Variants in SMAD2 observed in about 807,000 individuals in gnomAD.
SMAD2 encodes the protein MAD homolog 2.
Under a neutral mutation model 64.4 loss-of-function variants are expected in SMAD2, and 8 were observed. That is an observed-to-expected ratio of 0.12 (90% CI 0.07 to 0.22). The LOEUF (loss-of-function observed/expected upper bound fraction) is 0.22. Ranked by LOEUF, SMAD2 falls within the 10% of genes least tolerant of loss-of-function variation. The probability of loss-of-function intolerance (pLI) is 1.00; values close to 1 mark genes in which losing one functional copy is unlikely to be tolerated. For missense variants in SMAD2, 289 were observed against 561.2 expected, an observed-to-expected ratio of 0.51 and a Z score of 4.90; for synonymous variants, 203 against 195.8, an observed-to-expected ratio of 1.04 and a Z score of -0.31.
At chr18:47,874,153 T>A (rs1235545496) in intron 2 of SMAD2, among the ~76,000 whole-genome samples, 1 of 152,194 alleles carries the variant, frequency 6.6e-6, no homozygotes, top group Non-Finnish European at 1.5e-5. Flanking sequence ...TCTATTACAG[T>A]GACCATTTCA....
At chr18:47,854,463 C>A (rs1357278864) in intron 6 of SMAD2, among the ~76,000 whole-genome samples, 4 of 152,324 alleles carry the variant, frequency 2.6e-5, no homozygotes, top group Admixed American at 6.5e-5. Context: ...ATGTTGACAT[C>A]TGCCAATATG....
chr18:47,872,791 G>A (rs747501362), intron 2 of SMAD2, among the ~76,000 whole-genome samples: 7 of 152,114 alleles, frequency 4.6e-5, no homozygotes, highest in Non-Finnish European at 8.8e-5. Flanking sequence ...AACCATTGCC[G>A]CACCACCACG....
rs1253297651 is a variant in SMAD2 at position 47,820,652 on chromosome 18, T to C, written c.*21175A>G. The stretch of plus-strand genomic sequence containing the variant: ...ATGACCAGTTGTTTAAGGGGAAGTA[T>C]AAAACAAAGCAGAAAGTTTAAGCAT... On this transcript the variant is annotated 3_prime_UTR_variant, in exon 11 of 11. Coordinates refer to ENST00000262160, the MANE Select transcript of SMAD2 (RefSeq NM_005901.6). 1.3e-5 allele frequency: 2 copies of C among 152,102 alleles called. No homozygotes were observed. Among genetic ancestry groups the C allele is most frequent in the African/African-American group, 4.8e-5 (2 of 41,418 alleles). 9.4% of individuals were successfully genotyped at this position (152,102 alleles called of 1,614,324 possible).
intron 9 of SMAD2, 22 bp downstream of exon 9, chr18:47,845,641 A>G: frequency 1.2e-6 from 2 of 1,613,170 alleles, no homozygotes; most frequent in Non-Finnish European, 1.7e-6. Context: ...TGATAGGTTT[A>G]TGTACATTAT....
intron 10 of SMAD2, 120 bp from the exon 11 acceptor site, chr18:47,842,070 T>C (rs1914004102): frequency 1.8e-6 from 2 of 1,103,882 alleles, no homozygotes; most frequent in South Asian, 1.3e-5. Flanking sequence ...GTATATAATT[T>C]TGGACACGAT....
chr18:47,907,665 G>A (rs7233129), intron 1 of SMAD2, among the ~76,000 whole-genome samples: 83,975 of 152,052 alleles, frequency 0.55, 23,589 homozygotes, highest in East Asian at 0.8. Flanking sequence ...AAAACTCACA[G>A]AACTGGCCGA....
chr18:47,838,544 T>C lies in SMAD2; in HGVS notation c.*3283A>G, dbSNP rs916324869. On this transcript the variant is annotated 3_prime_UTR_variant, in exon 11 of 11. Coordinates refer to ENST00000262160, the MANE Select transcript of SMAD2 (RefSeq NM_005901.6). ...TAAGGTATAATCGGTATAACTGATA[T>C]AGCTCAAATCTAATCATGAAAGCTT... 2 of 233,000 alleles carry C rather than the reference T, an allele frequency of 8.6e-6. No individual in the cohort carries two copies. The highest frequency in any genetic ancestry group is 1.8e-4 in the South Asian group (1 of 5,538). The allele number at this position is 233,000 out of a possible 1,614,324, so 14.4% of individuals were successfully genotyped here.
chr18:47,863,097 G>T (rs1029094914), intron 6 of SMAD2, among the ~76,000 whole-genome samples: 1 of 152,078 alleles, frequency 6.6e-6, no homozygotes, highest in African/African-American at 2.4e-5. Context: ...ATTTTTAACA[G>T]CAGGTTATGA....
In SMAD2 at chr18:47,896,577, C is replaced by G; in HGVS notation, c.180G>C (p.Glu60Asp). The G allele has an allele frequency of 6.2e-7, 1 of 1,614,126 alleles. No homozygotes were observed. Among genetic ancestry groups the G allele is most frequent in the Non-Finnish European group, 8.5e-7 (1 of 1,180,018 alleles). The change falls in exon 2 of 11, where the codon GAG becomes GAC. Residue 60 changes from glutamate (E) to aspartate (D), a missense_variant. By Grantham distance (45) the Glu-to-Asp change is conservative (BLOSUM62 2). Around this residue, in one of 6 missense-constraint regions of SMAD2, gnomAD observed 89 missense variants for 137.1 expected, o/e 0.65. Transcript: ENST00000262160. ...TTTGAGTGGTGATGGCTTTCTCAAG[C>G]TCATCTAATCGTCCTGTTTTCTTTA... ...KKLKKTGRLD[E>D]LEKAITTQNC...
chr18:47,814,098 C>G lies in SMAD2; in HGVS notation c.*27729G>C, dbSNP rs755239845. The G allele has an allele frequency of 6.6e-6, 1 of 152,136 alleles. No individual in the cohort carries two copies. The highest frequency in any genetic ancestry group is 2.4e-5 in the African/African-American group (1 of 41,418). 9.4% of individuals were successfully genotyped at this position (152,136 alleles called of 1,614,324 possible). ...CTTAGGACCAGAACAGGCAAAGGCACTGAAGCAAGAGAGTCTGGGGCAAGA... is the reference window on the plus strand; with the variant it reads ...CTTAGGACCAGAACAGGCAAAGGCAGTGAAGCAAGAGAGTCTGGGGCAAGA... On this transcript the variant is annotated 3_prime_UTR_variant, in exon 11 of 11. Coordinates refer to ENST00000262160, the MANE Select transcript of SMAD2 (RefSeq NM_005901.6).
Position 47,836,432 on chromosome 18 carries a change from T to C in SMAD2, c.*5395A>G, listed in dbSNP as rs776797883. On this transcript the variant is annotated 3_prime_UTR_variant, in exon 11 of 11. Coordinates refer to ENST00000262160, the MANE Select transcript of SMAD2 (RefSeq NM_005901.6). ...TACCAAGTTGCCAAAAAATGGTATA[T>C]TAAATGAACTGCCAAATGGCAGATT... 2.3e-5 allele frequency: 5 copies of C among 220,790 alleles called. No individual in the cohort carries two copies. Among genetic ancestry groups the C allele is most frequent in the African/African-American group, 6.7e-5 (3 of 44,666 alleles). 13.7% of individuals were successfully genotyped at this position (220,790 alleles called of 1,614,324 possible). A position where few individuals can be genotyped will look rare whatever the true frequency, so the allele number is the denominator to read the frequency against.
chr18:47,906,345 C>A (rs907387772), intron 1 of SMAD2, among the ~76,000 whole-genome samples: 1 of 152,146 alleles, frequency 6.6e-6, no homozygotes, highest in Non-Finnish European at 1.5e-5. Flanking sequence ...ATACTCAAAT[C>A]TGTGTATGTA....
At chr18:47,843,614 T>C (rs1253501014) in intron 10 of SMAD2, among the ~76,000 whole-genome samples, 1 of 152,208 alleles carries the variant, frequency 6.6e-6, no homozygotes, top group Non-Finnish European at 1.5e-5. Context: ...TCCAGAATGA[T>C]TACAGACAGT....
intron 7 of SMAD2, among the ~76,000 whole-genome samples, chr18:47,849,489 A>G (rs1365920038): frequency 0.062 from 13 of 208 alleles, no homozygotes; most frequent in Non-Finnish European, 0.075. Flanking sequence ...AAATGTATGT[A>G]TATATATATA....
chr18:47,899,104 T>C (rs548035906), intron 1 of SMAD2, among the ~76,000 whole-genome samples: 4 of 152,148 alleles, frequency 2.6e-5, no homozygotes, highest in African/African-American at 4.8e-5. Flanking sequence ...AAAGGAAGAA[T>C]AGCTATTAGG....
intron 2 of SMAD2, among the ~76,000 whole-genome samples, chr18:47,891,422 T>C (rs2096932): frequency 0.58 from 87,692 of 151,922 alleles, 25,695 homozygotes; most frequent in East Asian, 0.82. Flanking sequence ...AACTGGGTGA[T>C]GAAAAAACAG....
chr18:47,925,506 T>C (rs1782345548), intron 1 of SMAD2, among the ~76,000 whole-genome samples: 1 of 152,166 alleles, frequency 6.6e-6, no homozygotes, highest in African/African-American at 2.4e-5. Flanking sequence ...CCACCTGGCT[T>C]GGAAAAATTA....
In SMAD2 at chr18:47,835,490, A is replaced by G. The variant is rs1374064666; in HGVS notation, c.*6337T>C. 1.5e-5 allele frequency: 3 copies of G among 198,268 alleles called. No homozygotes were observed. Among genetic ancestry groups the G allele is most frequent in the East Asian group, 1.6e-4 (2 of 12,822 alleles). 12.3% of individuals were successfully genotyped at this position (198,268 alleles called of 1,614,324 possible). A position where few individuals can be genotyped will look rare whatever the true frequency, so the allele number is the denominator to read the frequency against. On this transcript the variant is annotated 3_prime_UTR_variant, in exon 11 of 11. Coordinates refer to ENST00000262160, the MANE Select transcript of SMAD2 (RefSeq NM_005901.6). ...TTGGGAATAGTAAGAGTGGCAAACAAATGTTTTCTTAGGGACTTACTGAGA... is the reference window on the plus strand; with the variant it reads ...TTGGGAATAGTAAGAGTGGCAAACAGATGTTTTCTTAGGGACTTACTGAGA...
chr18:47,872,149 C>T (rs1436318052), intron 2 of SMAD2, among the ~76,000 whole-genome samples: 1 of 152,152 alleles, frequency 6.6e-6, no homozygotes, highest in Non-Finnish European at 1.5e-5. Flanking sequence ...AACCCTAATT[C>T]GGCCACTTTC....
Sources: allele counts gnomAD v4.1 joint callset (sites outside exome capture counted in the v4.1 genomes callset), GRCh38; gene constraint gnomAD v4.1.1; regional missense constraint gnomAD v4.1.1; transcripts MANE v1.5; gene names NCBI Gene and HGNC (gene_info 2026-07-23, HGNC 2026-07-21).